Variants in DPP10 observed in about 807,000 individuals in gnomAD.
The protein encoded by DPP10 is dipeptidyl peptidase like 10.
A neutral mutation model predicts 120.9 loss-of-function variants in DPP10; 33 were observed. The ratio of observed to expected loss-of-function variants is 0.27; its 90% confidence interval spans 0.21 to 0.37. The LOEUF (loss-of-function observed/expected upper bound fraction) is 0.37. Ranked by LOEUF, DPP10 falls within the 10% of genes least tolerant of loss-of-function variation. The pLI is 1.00. For synonymous variants in DPP10, 337 were observed against 326.1 expected (o/e 1.03, Z -0.36); for missense variants, 816 against 942.8 (o/e 0.87, Z 1.76).
At chr2:115,354,504 A>G (rs997464440) in intron 3 of DPP10, among the ~76,000 whole-genome samples, 1 of 151,848 alleles carries the variant, frequency 6.6e-6, no homozygotes, top group Non-Finnish European at 1.5e-5. Flanking sequence ...AAATGCATCT[A>G]TGTTGTTGTA....
At chr2:115,515,242 C>T (rs2077439856) in intron 4 of DPP10, among the ~76,000 whole-genome samples, 1 of 151,830 alleles carries the variant, frequency 6.6e-6, no homozygotes, top group Non-Finnish European at 1.5e-5. Flanking sequence ...AAATATATTC[C>T]AGTGTATTGG....
chr2:115,589,888 A>G (rs1376064187), intron 5 of DPP10, among the ~76,000 whole-genome samples: 2 of 152,282 alleles, frequency 1.3e-5, no homozygotes, highest in East Asian at 3.9e-4. Flanking sequence ...ACAGTCATGC[A>G]TATCGGTATC....
intron 2 of DPP10, among the ~76,000 whole-genome samples, chr2:115,311,239 G>A (rs1257708620): frequency 6.6e-6 from 1 of 152,146 alleles, no homozygotes; most frequent in African/African-American, 2.4e-5. Context: ...TCATCTGCAT[G>A]ATGGGTATAA....
In DPP10 at chr2:115,842,444, C is replaced by T; in HGVS notation, c.*99C>T. ...AGTTGCTCCAGAATGTCAAGGGCAGCTTACGGAGATGTCACTGGAGCAGCA... is the reference window on the plus strand; with the variant it reads ...AGTTGCTCCAGAATGTCAAGGGCAGTTTACGGAGATGTCACTGGAGCAGCA... On this transcript the variant is annotated 3_prime_UTR_variant, in exon 26 of 26. Transcript: ENST00000410059. 1 of 1,417,214 alleles carries T rather than the reference C, an allele frequency of 7.1e-7. No individual in the cohort carries two copies. Among genetic ancestry groups the T allele is most frequent in the South Asian group, 1.5e-5 (1 of 67,596 alleles). The allele number at this position is 1,417,214 out of a possible 1,614,324, so 87.8% of individuals were successfully genotyped here.
rs72955632 is a variant in DPP10, at chr2:114,677,679, G to A, written c.60+234841G>A. 5.0e-3 allele frequency among the ~76,000 whole-genome samples: 763 copies of A among 152,206 alleles called. 8 individuals carry two copies. Among genetic ancestry groups the A allele is most frequent in the African/African-American group, 0.017 (725 of 41,558 alleles). On this transcript the variant is annotated intron_variant, in intron 1 of 25. Coordinates refer to ENST00000410059, the MANE Select transcript of DPP10 (RefSeq NM_020868.6). The stretch of plus-strand genomic sequence containing the variant: ...TGGAGGCAATGTTTGCCTTTTCAGC[G>A]AATCAATATAGTTAAAGGAATATAG...
At chr2:115,689,524 A>G (rs1033995854) in intron 5 of DPP10, among the ~76,000 whole-genome samples, 163 bp from the exon 6 acceptor site, 1 of 152,154 alleles carries the variant, frequency 6.6e-6, no homozygotes, top group African/African-American at 2.4e-5. Flanking sequence ...AAAATTAGGC[A>G]TAAGGCACAG....
intron 3 of DPP10, among the ~76,000 whole-genome samples, chr2:115,394,714 G>C (rs1279835133): frequency 1.3e-5 from 2 of 152,172 alleles, no homozygotes; most frequent in African/African-American, 4.8e-5. Flanking sequence ...ACTTTTAAAA[G>C]TGTCTGTCAT....
At chr2:115,015,851 G>A (rs1702596764) in intron 1 of DPP10, among the ~76,000 whole-genome samples, 1 of 152,052 alleles carries the variant, frequency 6.6e-6, no homozygotes, top group Non-Finnish European at 1.5e-5. Flanking sequence ...AATAAGAGAG[G>A]ACAAAAACAA....
intron 1 of DPP10, among the ~76,000 whole-genome samples, chr2:115,274,708 A>G (rs910633335): frequency 2.0e-5 from 3 of 152,220 alleles, no homozygotes; most frequent in Non-Finnish European, 4.4e-5. Flanking sequence ...ACTCAGATTG[A>G]ATGTGAATTT....
intron 1 of DPP10, among the ~76,000 whole-genome samples, chr2:114,862,060 C>A (rs1689847743): frequency 6.6e-6 from 1 of 152,128 alleles, no homozygotes; most frequent in South Asian, 2.1e-4. Flanking sequence ...ACCTTCAAAT[C>A]TTTTATTAAA....
chr2:115,157,512 T>C (rs555717519), intron 1 of DPP10, among the ~76,000 whole-genome samples: 1 of 152,324 alleles, frequency 6.6e-6, no homozygotes, highest in Admixed American at 6.5e-5. Flanking sequence ...ATCACTTATA[T>C]ATATAGTGCC....
chr2:115,164,666 T>G (rs2052697268), intron 1 of DPP10, among the ~76,000 whole-genome samples: 1 of 152,216 alleles, frequency 6.6e-6, no homozygotes, highest in Admixed American at 6.5e-5. Context: ...CTATTTCCAC[T>G]TATAGCACAG....
chr2:115,099,147 G>GA (rs371431565), intron 1 of DPP10, among the ~76,000 whole-genome samples: 2 of 141,988 alleles, frequency 1.4e-5, no homozygotes, highest in African/African-American at 5.3e-5. Flanking sequence ...AAAAAAAAAA[G>GA]AAAAAAAGAA....
At chr2:115,069,412 C>T (rs7564794) in intron 1 of DPP10, among the ~76,000 whole-genome samples, 147,291 of 152,158 alleles carry the variant, frequency 0.97, 71,491 homozygotes, top group Middle Eastern at 1. Context: ...ACTGAAGTTG[C>T]TTATTAGTTC....
At position 115,696,195 on chromosome 2, in the gene DPP10, T is replaced by G. The variant is rs1016187866; in HGVS notation, c.576+6274T>G. ...GGAGATGAAGGGGTAGAAAAAATATTTTTAAAAATTAACAGCCCCAAATTT... is the reference window on the plus strand; with the variant it reads ...GGAGATGAAGGGGTAGAAAAAATATGTTTAAAAATTAACAGCCCCAAATTT... On this transcript the variant is annotated intron_variant, in intron 7 of 25. Coordinates refer to ENST00000410059, the MANE Select transcript of DPP10 (RefSeq NM_020868.6). Among the ~76,000 whole-genome samples, 4 of 152,066 alleles carry G rather than the reference T, an allele frequency of 2.6e-5. No individual in the cohort carries two copies. The East Asian group carries it at 7.7e-4, about 29-fold the overall frequency.
chr2:114,518,868 CTG>C (rs971435828), intron 1 of DPP10, among the ~76,000 whole-genome samples: 2 of 152,318 alleles, frequency 1.3e-5, no homozygotes, highest in Non-Finnish European at 2.9e-5. Context: ...GCTTTTCAAA[CTG>C]TGTTTCATGG....
chr2:115,822,488 T>C (rs1275722871), intron 21 of DPP10, among the ~76,000 whole-genome samples: 1 of 151,996 alleles, frequency 6.6e-6, no homozygotes, highest in African/African-American at 2.4e-5. Flanking sequence ...AAAAAGAAAA[T>C]ACACCATAGG....
At chr2:115,603,573 T>TTTG (rs2083499718) in intron 5 of DPP10, among the ~76,000 whole-genome samples, 1 of 64,560 alleles carries the variant, frequency 1.5e-5, no homozygotes, top group Non-Finnish European at 3.8e-5. Context: ...TTTTTTTGTT[T>TTTG]TTTTTTTTTT....
rs530721573 is a variant in DPP10 at position 114,458,929 on chromosome 2, A to G, written c.60+16091A>G. ...TTATAATGAATAGATCAACAAAAAT[A>G]TAACTACAGTAAGGCAAAATAATAT... On this transcript the variant is annotated intron_variant, in intron 1 of 25. Coordinates refer to ENST00000410059, the MANE Select transcript of DPP10 (RefSeq NM_020868.6). Among the ~76,000 whole-genome samples the G allele has an allele frequency of 3.3e-5, 5 of 152,334 alleles. No homozygotes were observed. The South Asian group carries it at 6.2e-4, about 19-fold the overall frequency.
Sources: gnomAD v4.1 joint callset for allele counts (sites outside exome capture counted in the v4.1 genomes callset) on GRCh38, gnomAD v4.1.1 for gene constraint, MANE v1.5 for transcripts, NCBI Gene and HGNC (gene_info 2026-07-23, HGNC 2026-07-21) for gene names.